The following CPED1 variants were observed in gnomAD, a reference collection of about 807,000 sequenced individuals.
CPED1 encodes cadherin like and PC-esterase domain containing 1.
In CPED1, 114 loss-of-function variants were observed where a neutral mutation model predicts 128.2. The ratio of observed to expected loss-of-function variants is 0.89; its 90% CI spans 0.76 to 1.04. The LOEUF (loss-of-function observed/expected upper bound fraction) is 1.04. CPED1 is among the 50% of genes least tolerant of loss of function. CPED1 has a pLI of 0.00. For missense variants in CPED1, 1,211 were observed against 1,207.1 expected (o/e 1.00, Z -0.05); for synonymous variants, 462 against 426.7 (o/e 1.08, Z -1.02).
At chr7:121,234,423 T>C (rs1410511200) in intron 16 of CPED1, among the ~76,000 whole-genome samples, 4 of 152,008 alleles carry the variant, frequency 2.6e-5, no homozygotes, top group Non-Finnish European at 5.9e-5. Flanking sequence ...AGTACCCAAG[T>C]TTAGATGACA....
intron 3 of CPED1, among the ~76,000 whole-genome samples, chr7:121,024,520 C>G (rs3944026): frequency 3.1e-4 from 47 of 152,004 alleles, no homozygotes; most frequent in Non-Finnish European, 1.3e-4. Flanking sequence ...TTCATAGAAA[C>G]CAGACTGGGT....
At chr7:121,164,196 AT>A (rs1013287852) in intron 16 of CPED1, among the ~76,000 whole-genome samples, 3 of 152,190 alleles carry the variant, frequency 2.0e-5, no homozygotes, top group African/African-American at 7.2e-5. Flanking sequence ...TTGGCCCAGG[AT>A]TTAAAGGGGC....
intron 22 of CPED1, among the ~76,000 whole-genome samples, chr7:121,285,298 G>C (rs1367264369): frequency 6.6e-6 from 1 of 152,082 alleles, no homozygotes; most frequent in Non-Finnish European, 1.5e-5. Flanking sequence ...TTCCCTCCTA[G>C]TCCTCCAGTC....
intron 16 of CPED1, among the ~76,000 whole-genome samples, chr7:121,188,288 G>A (rs1797051037): frequency 6.6e-6 from 1 of 151,996 alleles, no homozygotes; most frequent in African/African-American, 2.4e-5. Flanking sequence ...TTTATTCTAT[G>A]GGTACATAGT....
chr7:121,268,466 GA>G (rs1474853428), intron 21 of CPED1, among the ~76,000 whole-genome samples: 1 of 152,054 alleles, frequency 6.6e-6, no homozygotes, highest in Non-Finnish European at 1.5e-5. Context: ...AGTGAAGACA[GA>G]AGGAGAAAAG....
chr7:121,167,832 C>T (rs554396071), intron 16 of CPED1, among the ~76,000 whole-genome samples: 3 of 150,666 alleles, frequency 2.0e-5, no homozygotes, highest in South Asian at 2.1e-4. Flanking sequence ...CCCGGGTTCA[C>T]GCCATTCTCC....
At chr7:121,046,845 C>A in intron 3 of CPED1, 42 bp from the exon 4 acceptor site, 2 of 1,266,080 alleles carry the variant, frequency 1.6e-6, no homozygotes, top group Non-Finnish European at 2.2e-6. Flanking sequence ...TTTAAAATAT[C>A]TGATGAAAAC....
At chr7:121,242,969 C>T (rs1362739064) in intron 17 of CPED1, among the ~76,000 whole-genome samples, 1 of 152,106 alleles carries the variant, frequency 6.6e-6, no homozygotes, top group Non-Finnish European at 1.5e-5. Context: ...ACAATTCTAA[C>T]ATCCCTGAAG....
At chr7:120,989,366 A>G in intron 1 of CPED1, 25 bp from the exon 2 acceptor site, 3 of 467,498 alleles carry the variant, frequency 6.4e-6, no homozygotes. Flanking sequence ...AACTATTATT[A>G]TTTGATGTCT....
chr7:121,023,193 G>A (rs1031692442), intron 3 of CPED1, among the ~76,000 whole-genome samples: 2 of 152,116 alleles, frequency 1.3e-5, no homozygotes, highest in African/African-American at 4.8e-5. Flanking sequence ...CAGAACTGTA[G>A]CAGGAATGAG....
At chr7:121,134,779 CAT>C (rs1227939753) in intron 13 of CPED1, among the ~76,000 whole-genome samples, 1 of 151,924 alleles carries the variant, frequency 6.6e-6, no homozygotes, top group Non-Finnish European at 1.5e-5. Context: ...TCAGTATTCT[CAT>C]AGTGCTGGTG....
intron 17 of CPED1, among the ~76,000 whole-genome samples, chr7:121,242,693 A>G (rs1798425298): frequency 6.6e-6 from 1 of 152,162 alleles, no homozygotes; most frequent in African/African-American, 2.4e-5. Context: ...AGAAGAACAA[A>G]TGACTCTGCA....
chr7:121,293,948 A>G (rs184078453), intron 22 of CPED1, among the ~76,000 whole-genome samples: 3 of 152,028 alleles, frequency 2.0e-5, no homozygotes, highest in Non-Finnish European at 4.4e-5. Context: ...AGCTGTTCCT[A>G]TTTGGCGATC....
intron 3 of CPED1, among the ~76,000 whole-genome samples, chr7:121,034,896 T>C (rs955579229): frequency 6.6e-6 from 1 of 152,038 alleles, no homozygotes; most frequent in Non-Finnish European, 1.5e-5. Context: ...ATAGAAGCAG[T>C]CTGAAGGGCA....
intron 16 of CPED1, among the ~76,000 whole-genome samples, chr7:121,175,500 A>T (rs1418801286): frequency 6.6e-6 from 1 of 152,104 alleles, no homozygotes; most frequent in Non-Finnish European, 1.5e-5. Flanking sequence ...AAACTGAGGC[A>T]GAGAGCATTT....
At position 121,100,085 on chromosome 7, in the gene CPED1, C is replaced by A; in HGVS notation, c.909C>A (p.Phe303Leu). ...TVWNPPKKKR[F>L]TVKLQTFFET... The stretch of plus-strand genomic sequence containing the variant: ...GGAATCCACCAAAGAAAAAACGCTT[C>A]ACTGTCAAGGTAAGCTCTCGGTTGA... Residue 303 changes from phenylalanine to leucine, a missense_variant, in exon 7 of 23, where the codon TTC becomes TTA. Coordinates refer to ENST00000310396, the MANE Select transcript of CPED1 (RefSeq NM_024913.5). 2 of 1,613,402 alleles carry A rather than the reference C, an allele frequency of 1.2e-6. No homozygotes were observed. Among genetic ancestry groups the A allele is most frequent in the East Asian group, 2.2e-5 (1 of 44,846 alleles).
chr7:121,224,467 TGTTA>T (rs991518711), intron 16 of CPED1, among the ~76,000 whole-genome samples: 12 of 152,192 alleles, frequency 7.9e-5, no homozygotes, highest in Non-Finnish European at 1.8e-4. Context: ...TGTAGATGTC[TGTTA>T]GTTCTGCTTG....
rs568596555 is a variant in CPED1 at position 121,208,675 on chromosome 7, C to T, written c.2056-28039C>T. On this transcript the variant is annotated intron_variant, in intron 16 of 22. Transcript: ENST00000310396. Reference sequence around the variant, plus strand: ...CTACTAATAATATTAGATCTGAATCCTTCTATTCTCTTGTCATCGTGCCAC... The same window carrying T: ...CTACTAATAATATTAGATCTGAATCTTTCTATTCTCTTGTCATCGTGCCAC... Among the ~76,000 whole-genome samples, 16 of 152,052 alleles carry T rather than the reference C, an allele frequency of 1.1e-4. No homozygotes were observed. The South Asian group carries it at 3.1e-3, about 30-fold the overall frequency.
chr7:121,123,680 A>AT (rs1465552570), intron 7 of CPED1, among the ~76,000 whole-genome samples: 1 of 152,172 alleles, frequency 6.6e-6, no homozygotes, highest in Non-Finnish European at 1.5e-5. Context: ...ATTGAGCTTC[A>AT]TTCCCCCTTT....
Sources: gnomAD v4.1 joint callset for allele counts (sites outside exome capture counted in the v4.1 genomes callset) on GRCh38, gnomAD v4.1.1 for gene constraint, MANE v1.5 for transcripts, NCBI Gene and HGNC (gene_info 2026-07-23, HGNC 2026-07-21) for gene names.